Variants in CLHC1 observed in about 807,000 individuals in gnomAD.
The protein encoded by CLHC1 is clathrin heavy chain linker domain containing 1, also known as clathrin heavy chain linker domain-containing protein 1.
Under a neutral mutation model 69.5 loss-of-function variants are expected in CLHC1, and 72 were observed. The observed-to-expected ratio is 1.04, with a 90% CI of 0.86 to 1.26. CLHC1 has a LOEUF of 1.26. CLHC1 is among the 50% of genes most tolerant of loss of function. CLHC1 has a pLI of 0.00. For missense variants in CLHC1, 790 were observed against 679.3 expected (o/e 1.16, Z -1.81); for synonymous variants, 223 against 224.3 (o/e 0.99, Z 0.05).
At chr2:55,226,500 AT>A (rs529535554) in intron 2 of CLHC1, among the ~76,000 whole-genome samples, 4 of 152,188 alleles carry the variant, frequency 2.6e-5, no homozygotes, top group South Asian at 2.1e-4. Flanking sequence ...TGTGCATCCC[AT>A]TTTTTTCACT....
chr2:55,219,668 C>T (rs909285237), intron 3 of CLHC1, among the ~76,000 whole-genome samples: 1 of 152,074 alleles, frequency 6.6e-6, no homozygotes, highest in African/African-American at 2.4e-5. Context: ...TTTTATATTA[C>T]CTTGGTGGCC....
intron 4 of CLHC1, chr2:55,214,726 G>C (rs1673332613): frequency 1.3e-5 from 2 of 152,074 alleles, no homozygotes; most frequent in African/African-American, 2.4e-5. Flanking sequence ...GTTTTCAAAA[G>C]AAACTGAAAG....
At chr2:55,209,881 T>TTGTGCTCAAAGAGCAA in intron 5 of CLHC1, 50 bp from the exon 6 acceptor site, 1 of 1,235,072 alleles carries the variant, frequency 8.1e-7, no homozygotes, top group Non-Finnish European at 1.2e-6. Flanking sequence ...TGTGGGACGC[T>TTGTGCTCAAAGAGCAA]TGTGCTCAAA....
intron 9 of CLHC1, among the ~76,000 whole-genome samples, chr2:55,185,673 G>C (rs1670351555): frequency 6.6e-6 from 1 of 152,114 alleles, no homozygotes; most frequent in South Asian, 2.1e-4. Context: ...GAATGAGCTG[G>C]CTCCACACTT....
chr2:55,194,814 C>T lies in CLHC1; in HGVS notation c.1006+11456G>A, dbSNP rs146623574. On this transcript the variant is annotated intron_variant, in intron 9 of 12. Coordinates refer to ENST00000401408, the MANE Select transcript of CLHC1 (RefSeq NM_152385.4). ...ACGATGTTTGATATACATAGTGAAACGATTAATATGTCAAGCTAAATTAAC... is the reference window on the plus strand; with the variant it reads ...ACGATGTTTGATATACATAGTGAAATGATTAATATGTCAAGCTAAATTAAC... Among the ~76,000 whole-genome samples, 13 of 152,138 alleles carry T rather than the reference C, an allele frequency of 8.5e-5. No homozygotes were observed. The East Asian group carries it at 2.1e-3, about 25-fold the overall frequency.
At chr2:55,181,495 G>T (rs1212379603) in intron 10 of CLHC1, 75 bp downstream of exon 10, 27 of 1,105,308 alleles carry the variant, frequency 2.4e-5, no homozygotes, top group Non-Finnish European at 3.4e-5. Flanking sequence ...TATTGATAAA[G>T]CTATTAATAT....
intron 3 of CLHC1, chr2:55,218,465 ATCTAATTGCATTT>A (rs1398926051): frequency 6.6e-6 from 1 of 152,212 alleles, no homozygotes; most frequent in African/African-American, 2.4e-5. Context: ...TATTCTCAAT[ATCTAATTGCATTT>A]CTATTCCCAG....
intron 2 of CLHC1, among the ~76,000 whole-genome samples, chr2:55,227,742 G>A (rs888693692): frequency 9.9e-5 from 15 of 151,904 alleles, no homozygotes; most frequent in Admixed American, 2.6e-4. Flanking sequence ...TCATTAGAGA[G>A]GGGGTAGTGA....
intron 3 of CLHC1, among the ~76,000 whole-genome samples, chr2:55,221,804 T>C (rs2104059562): frequency 6.6e-6 from 1 of 152,120 alleles, no homozygotes; most frequent in East Asian, 1.9e-4. Flanking sequence ...ACAGAGACCT[T>C]GTCTCTACAA....
chr2:55,220,842 A>G (rs1447223655), intron 3 of CLHC1, among the ~76,000 whole-genome samples: 2 of 152,192 alleles, frequency 1.3e-5, no homozygotes, highest in Admixed American at 6.5e-5. Context: ...CATTCATTCA[A>G]TGCATTCCTT....
intron 10 of CLHC1, among the ~76,000 whole-genome samples, chr2:55,181,125 C>T (rs541594522): frequency 5.3e-5 from 8 of 152,180 alleles, no homozygotes; most frequent in East Asian, 1.9e-4. Flanking sequence ...GGACTACAGC[C>T]GTGCGCCACC....
chr2:55,199,315 A>G (rs1021979741), intron 9 of CLHC1, among the ~76,000 whole-genome samples: 32 of 151,188 alleles, frequency 2.1e-4, no homozygotes, highest in African/African-American at 7.0e-4. Flanking sequence ...AAAAAAAAAA[A>G]AAAAAAGAAA....
Position 55,204,978 on chromosome 2 carries a change from TA to T in CLHC1, c.1006+1291del, listed in dbSNP as rs555979675. Among the ~76,000 whole-genome samples the T allele has an allele frequency of 2.1e-3, 312 of 151,652 alleles. 1 individual carries two copies. Among genetic ancestry groups the T allele is most frequent in the Non-Finnish European group, 3.1e-3 (208 of 67,876 alleles). On this transcript the variant is annotated intron_variant, in intron 9 of 12. Coordinates refer to ENST00000401408, the MANE Select transcript of CLHC1 (RefSeq NM_152385.4). ...GGGGGAGTTGGGCTGTTTAATGGGT[TA>T]AAAAAAATAGTTAAATTGTTAAAAT...
chr2:55,212,047 C>T (rs147318826), intron 5 of CLHC1, among the ~76,000 whole-genome samples: 31 of 152,250 alleles, frequency 2.0e-4, no homozygotes, highest in Non-Finnish European at 3.5e-4. Context: ...GAGGCTGAGG[C>T]GGGTGGATCG....
chr2:55,218,912 C>T (rs1359254681), intron 3 of CLHC1, among the ~76,000 whole-genome samples: 1 of 152,128 alleles, frequency 6.6e-6, no homozygotes, highest in Admixed American at 6.5e-5. Flanking sequence ...TCTCTAGCCT[C>T]TGGTATCCCC....
chr2:55,201,708 T>C (rs1469516517), intron 9 of CLHC1, among the ~76,000 whole-genome samples: 2 of 151,836 alleles, frequency 1.3e-5, no homozygotes, highest in African/African-American at 4.8e-5. Context: ...CAAAGACACA[T>C]CAGAAAAGAA....
At chr2:55,182,705 G>C (rs1323901740) in intron 9 of CLHC1, among the ~76,000 whole-genome samples, 1 of 152,188 alleles carries the variant, frequency 6.6e-6, no homozygotes, top group Non-Finnish European at 1.5e-5. Flanking sequence ...AGTGAGTAAA[G>C]AGAATTAAAG....
intron 1 of CLHC1, among the ~76,000 whole-genome samples, chr2:55,231,572 G>C (rs1159289165): frequency 1.3e-5 from 2 of 152,196 alleles, no homozygotes; most frequent in Non-Finnish European, 2.9e-5. Flanking sequence ...ACCCCTACAA[G>C]AGAAAATTAA....
At chr2:55,195,636 T>C (rs753521416) in intron 9 of CLHC1, among the ~76,000 whole-genome samples, 22 of 152,000 alleles carry the variant, frequency 1.4e-4, no homozygotes, top group Non-Finnish European at 2.8e-4. Flanking sequence ...ACCCCATCTC[T>C]ACTAAAAATA....
Sources: gnomAD v4.1 joint callset for allele counts (sites outside exome capture counted in the v4.1 genomes callset) on GRCh38, gnomAD v4.1.1 for gene constraint, MANE v1.5 for transcripts, NCBI Gene and HGNC (gene_info 2026-07-23, HGNC 2026-07-21) for gene names.